GFOD1: variants seen among roughly 807,000 people sequenced by gnomAD.
The protein encoded by GFOD1 is Gfo/Idh/MocA-like oxidoreductase domain containing 1.
In GFOD1, 9 loss-of-function variants were observed where a neutral mutation model predicts 25.4. The ratio of observed to expected loss-of-function variants is 0.35; its 90% CI spans 0.21 to 0.62. The LOEUF (loss-of-function observed/expected upper bound fraction) is 0.62. Ranked by LOEUF, GFOD1 falls within the 20% of genes least tolerant of loss-of-function variation. The pLI is 0.72. For missense variants in GFOD1, 403 were observed against 556.9 expected (o/e 0.72, Z 2.78); for synonymous variants, 253 against 245.6 (o/e 1.03, Z -0.28).
Position 13,365,956 on chromosome 6 carries a change from C to T in GFOD1, c.254-294G>A, listed in dbSNP as rs1785038757. ...GCGTGGTGGTGCACGCCTGTGGTCCCAGCTACTCAGGAGGCCGAAGTGGGA... is the reference window on the plus strand; with the variant it reads ...GCGTGGTGGTGCACGCCTGTGGTCCTAGCTACTCAGGAGGCCGAAGTGGGA... On this transcript the variant is annotated intron_variant, in intron 1 of 1. Coordinates refer to ENST00000379287, the MANE Select transcript of GFOD1 (RefSeq NM_018988.4). This position sits in a 1 kb window ranked among gnomAD's most constrained non-coding sequence, Gnocchi z 9.2. Among the ~76,000 whole-genome samples, 1 of 149,946 alleles carries T rather than the reference C, an allele frequency of 6.7e-6. No homozygotes were observed. Among genetic ancestry groups the T allele is most frequent in the African/African-American group, 2.4e-5 (1 of 40,976 alleles).
chr6:13,437,561 G>A (rs1182299974), intron 1 of GFOD1, among the ~76,000 whole-genome samples: 1 of 152,152 alleles, frequency 6.6e-6, no homozygotes, highest in African/African-American at 2.4e-5. Flanking sequence ...AATTGCTTGT[G>A]ACTAGCGGCT....
chr6:13,406,525 G>A lies in GFOD1; in HGVS notation c.254-40863C>T, dbSNP rs147970005. On this transcript the variant is annotated intron_variant, in intron 1 of 1. Transcript: ENST00000379287. Reference sequence around the variant, plus strand: ...AGACGGGAGGGGAGGGCAGAAAGAAGAGAGCGAGAGCACAATCGAGAGTGA... The same window carrying A: ...AGACGGGAGGGGAGGGCAGAAAGAAAAGAGCGAGAGCACAATCGAGAGTGA... 4.1e-3 allele frequency among the ~76,000 whole-genome samples: 620 copies of A among 152,318 alleles called. 6 individuals carry two copies. Among genetic ancestry groups the A allele is most frequent in the African/African-American group, 0.014 (582 of 41,554 alleles).
chr6:13,409,984 C>G (rs1010211817), intron 1 of GFOD1, among the ~76,000 whole-genome samples: 9 of 136,636 alleles, frequency 6.6e-5, no homozygotes, highest in Non-Finnish European at 1.3e-4. Context: ...TACTGAATTT[C>G]TAAAATGATA....
chr6:13,367,425 G>A (rs1021633080), intron 1 of GFOD1, among the ~76,000 whole-genome samples: 1 of 152,170 alleles, frequency 6.6e-6, no homozygotes, highest in Admixed American at 6.5e-5. Flanking sequence ...ACAAAGAGCG[G>A]ATATCACCTA....
rs187738138 is a variant in GFOD1 at position 13,379,805 on chromosome 6, T to C, written c.254-14143A>G. Among the ~76,000 whole-genome samples, 12 of 152,298 alleles carry C rather than the reference T, an allele frequency of 7.9e-5. No individual in the cohort carries two copies. In the East Asian group the frequency reaches 1.4e-3, roughly 17 times the overall value. ...CTTTCTGAAAAGATTGATTTGGACA[T>C]GGAGGAAGCTCTGAGTGCCTATTAG... On this transcript the variant is annotated intron_variant, in intron 1 of 1. Coordinates refer to ENST00000379287, the MANE Select transcript of GFOD1 (RefSeq NM_018988.4).
At chr6:13,420,770 T>C (rs1403402639) in intron 1 of GFOD1, among the ~76,000 whole-genome samples, 1 of 152,220 alleles carries the variant, frequency 6.6e-6, no homozygotes, top group East Asian at 1.9e-4. Flanking sequence ...TTCCGGGTCT[T>C]TGAGAGGACA....
At position 13,463,801 on chromosome 6, in the gene GFOD1, A is replaced by G. The variant is rs144269012; in HGVS notation, c.253+22837T>C. ...CTGATACAGTATATATATGCTATAT[A>G]GGTACACTATATACACTAATTATGA... On this transcript the variant is annotated intron_variant, in intron 1 of 1. Coordinates refer to ENST00000379287, the MANE Select transcript of GFOD1 (RefSeq NM_018988.4). 5.4e-3 allele frequency among the ~76,000 whole-genome samples: 826 copies of G among 152,348 alleles called. 11 individuals are homozygous for G. The highest frequency in any genetic ancestry group is 0.019 in the African/African-American group (787 of 41,584).
At chr6:13,431,413 C>T (rs1042958030) in intron 1 of GFOD1, among the ~76,000 whole-genome samples, 7 of 152,202 alleles carry the variant, frequency 4.6e-5, no homozygotes, top group Non-Finnish European at 8.8e-5. Flanking sequence ...TCTCCTCGTC[C>T]AAAAGGAGCA....
intron 1 of GFOD1, chr6:13,408,221 G>T (rs990517300): frequency 5.7e-5 from 22 of 382,862 alleles, no homozygotes; most frequent in Admixed American, 1.9e-4. Flanking sequence ...ACTATGGCAG[G>T]CAAAGGTTAA....
At chr6:13,429,623 G>A (rs984002345) in intron 1 of GFOD1, among the ~76,000 whole-genome samples, 4 of 152,126 alleles carry the variant, frequency 2.6e-5, no homozygotes, top group Non-Finnish European at 2.9e-5. Flanking sequence ...CTAAGAAACA[G>A]CCCTTTGCCC....
At chr6:13,472,402 A>G (rs951095652) in intron 1 of GFOD1, among the ~76,000 whole-genome samples, 4 of 152,246 alleles carry the variant, frequency 2.6e-5, no homozygotes, top group Non-Finnish European at 5.9e-5. Context: ...GGAAAATCAT[A>G]AATGGACCGT....
intron 1 of GFOD1, among the ~76,000 whole-genome samples, chr6:13,485,749 T>C (rs543484946): frequency 2.8e-4 from 42 of 152,330 alleles, no homozygotes; most frequent in African/African-American, 9.9e-4. Context: ...GTCAACACTG[T>C]GCCTTCCGAA....
At chr6:13,394,449 G>A (rs1422209362) in intron 1 of GFOD1, among the ~76,000 whole-genome samples, 2 of 129,198 alleles carry the variant, frequency 1.5e-5, no homozygotes, top group Non-Finnish European at 3.4e-5. Flanking sequence ...CAGCATATCT[G>A]CTTTTGTACC....
chr6:13,420,175 C>T (rs16874132), intron 1 of GFOD1, among the ~76,000 whole-genome samples: 1 of 152,144 alleles, frequency 6.6e-6, no homozygotes, highest in Admixed American at 6.5e-5. Flanking sequence ...CACAGTTTCT[C>T]GTGGAAAACC....
intron 1 of GFOD1, among the ~76,000 whole-genome samples, chr6:13,466,036 T>A (rs577514589): frequency 3.3e-5 from 5 of 152,094 alleles, no homozygotes; most frequent in African/African-American, 1.2e-4. Flanking sequence ...AACACCAAAT[T>A]TGACAAATTT....
intron 1 of GFOD1, among the ~76,000 whole-genome samples, chr6:13,426,245 A>G (rs1030475671): frequency 3.9e-5 from 6 of 152,250 alleles, no homozygotes; most frequent in African/African-American, 1.4e-4. Flanking sequence ...TGGGCCAAGA[A>G]GGCCACACAC....
chr6:13,476,113 A>T (rs1584674892), intron 1 of GFOD1, among the ~76,000 whole-genome samples: 1 of 152,226 alleles, frequency 6.6e-6, no homozygotes, highest in Non-Finnish European at 1.5e-5. Context: ...GAGAAATGAA[A>T]ACATGGCTCC....
intron 1 of GFOD1, among the ~76,000 whole-genome samples, chr6:13,408,736 G>T (rs1024789785): frequency 3.3e-5 from 5 of 152,148 alleles, no homozygotes; most frequent in African/African-American, 1.2e-4. Context: ...CACTTCTATA[G>T]TCGCTTATCT....
intron 1 of GFOD1, among the ~76,000 whole-genome samples, chr6:13,400,175 G>T (rs1339308124): frequency 6.6e-6 from 1 of 152,154 alleles, no homozygotes; most frequent in Non-Finnish European, 1.5e-5. Context: ...ACTAAGACAT[G>T]CAGGACCGGG....
Sources: gnomAD v4.1 joint callset for allele counts (sites outside exome capture counted in the v4.1 genomes callset) on GRCh38, gnomAD v4.1.1 for gene constraint, Gnocchi (gnomAD v3.1) non-coding constraint, MANE v1.5 for transcripts, NCBI Gene and HGNC (gene_info 2026-07-23, HGNC 2026-07-21) for gene names.